TSGA13: variants seen among roughly 807,000 people sequenced by gnomAD.
TSGA13 encodes the protein testis-specific gene 13 protein.
A neutral mutation model predicts 35.1 loss-of-function variants in TSGA13; 37 were observed. The ratio of observed to expected loss-of-function variants is 1.05; its 90% CI spans 0.81 to 1.39. The LOEUF (loss-of-function observed/expected upper bound fraction) is 1.39, where lower values mean the gene tolerates loss of function less well. Among genes scored for constraint, TSGA13 ranks in the 40% most tolerant of loss-of-function variants. The pLI, the probability that TSGA13 is intolerant of heterozygous loss-of-function variation, is 0.00. For synonymous variants in TSGA13, 124 were observed against 121.2 expected (o/e 1.02, Z -0.15); for missense variants, 338 against 328.5 (o/e 1.03, Z -0.22).
At chr7:130,670,124 T>C (rs1796224239) in intron 7 of TSGA13, among the ~76,000 whole-genome samples, 1 of 152,240 alleles carries the variant, frequency 6.6e-6, no homozygotes, top group African/African-American at 2.4e-5. Flanking sequence ...TCAGCTTTTC[T>C]GTATATCTAT....
chr7:130,672,329 T>C (rs1183320194), intron 6 of TSGA13, among the ~76,000 whole-genome samples: 3 of 152,216 alleles, frequency 2.0e-5, no homozygotes, highest in Non-Finnish European at 4.4e-5. Flanking sequence ...TTGGAGGAAC[T>C]CCAGAATCTC....
At chr7:130,682,317 G>A (rs532625720) in intron 3 of TSGA13, among the ~76,000 whole-genome samples, 12 of 152,072 alleles carry the variant, frequency 7.9e-5, no homozygotes, top group African/African-American at 2.7e-4. Context: ...ATGGGGTTTC[G>A]CCATATTGGC....
At chr7:130,679,580 A>T (rs1245981407) in intron 4 of TSGA13, among the ~76,000 whole-genome samples, 7 of 151,854 alleles carry the variant, frequency 4.6e-5, no homozygotes, top group African/African-American at 1.7e-4. Flanking sequence ...CATGATCATG[A>T]CTCACTGCAA....
chr7:130,671,552 A>T (rs1293204120), intron 7 of TSGA13, 109 bp downstream of exon 7: 1 of 1,265,638 alleles, frequency 7.9e-7, no homozygotes, highest in African/African-American at 1.5e-5. Context: ...AATAGTCTCC[A>T]GGACTACCAC....
intron 1 of TSGA13, 69 bp from the exon 2 acceptor site, chr7:130,685,429 T>G (rs17165066): frequency 0.081 from 104,477 of 1,284,336 alleles, 6,122 homozygotes; most frequent in African/African-American, 0.29. Flanking sequence ...GACATGATGA[T>G]GCTTGCTCTT....
At chr7:130,680,194 T>C (rs915001652) in intron 4 of TSGA13, among the ~76,000 whole-genome samples, 1 of 152,142 alleles carries the variant, frequency 6.6e-6, no homozygotes, top group Non-Finnish European at 1.5e-5. Context: ...TGACATGCAC[T>C]CACAAGCACA....
At chr7:130,671,132 C>T (rs1439445971) in intron 7 of TSGA13, among the ~76,000 whole-genome samples, 4 of 152,106 alleles carry the variant, frequency 2.6e-5, no homozygotes, top group Admixed American at 1.3e-4. Context: ...ACTTTTGTAC[C>T]TCTAAGACAC....
Position 130,669,034 on chromosome 7 carries a change from T to C in TSGA13, c.808A>G (p.Lys270Glu), listed in dbSNP as rs1796179379. 1 of 1,614,044 alleles carries C rather than the reference T, an allele frequency of 6.2e-7. No individual in the cohort carries two copies. Among genetic ancestry groups the C allele is most frequent in the Non-Finnish European group, 8.5e-7 (1 of 1,180,036 alleles). The change falls in exon 8 of 8, where the codon AAG (lysine) becomes GAG (glutamate). Residue 270 changes from lysine (K) to glutamate (E), a missense_variant. Lys to Glu is a moderately conservative substitution (Grantham distance 56). Transcript: ENST00000356588. The part of the protein sequence containing the change: ...NGRAPQWIIK[K>E]ATVIG ...TGTGTTCACCCGATGACCGTGGCCT[T>C]TTTGATAATCCACTGCGGGGCCCTC...
In TSGA13 at chr7:130,672,883, G is replaced by A; in HGVS notation, c.388-7C>T. The A allele has an allele frequency of 6.2e-7, 1 of 1,611,766 alleles. No individual in the cohort carries two copies. Among genetic ancestry groups the A allele is most frequent in the Non-Finnish European group, 8.5e-7 (1 of 1,178,788 alleles). ...TGTGCTGATGATGACTTTCCTGTAG[G>A]GAAACGAGGGAAGAAGAGTGAGGGA... On this transcript the variant is annotated splice_region_variant and splice_polypyrimidine_tract_variant and intron_variant, in intron 5 of 7. Transcript: ENST00000356588.
Position 130,669,233 on chromosome 7 carries a change from CGAAGGATACTTAATGTGA to C in TSGA13, c.659-68_659-51del, listed in dbSNP as rs1299285621. ...GTGAATGTGGCTTTTCAGAAGTACT[CGAAGGATACTTAATGTGA>C]GATGTAAAGGAGACGCACTTGGAGG... On this transcript the variant is annotated intron_variant, in intron 7 of 7. Coordinates refer to ENST00000356588, the MANE Select transcript of TSGA13 (RefSeq NM_052933.4). 4.3e-6 allele frequency: 7 copies of C among 1,609,960 alleles called. No individual in the cohort carries two copies. In the African/African-American group the frequency reaches 9.4e-5, roughly 22 times the overall value.
intron 2 of TSGA13, among the ~76,000 whole-genome samples, chr7:130,684,659 T>C (rs1796620467): frequency 6.6e-6 from 1 of 152,182 alleles, no homozygotes; most frequent in Non-Finnish European, 1.5e-5. Flanking sequence ...TTCTATCCCA[T>C]TCAAGCATAG....
chr7:130,677,705 G>A (rs1204134626), intron 5 of TSGA13, among the ~76,000 whole-genome samples: 2 of 152,048 alleles, frequency 1.3e-5, no homozygotes, highest in Admixed American at 6.5e-5. Flanking sequence ...GATTACAGGC[G>A]TGAGCCACTG....
Position 130,672,723 on chromosome 7 carries a change from C to T in TSGA13, c.530+11G>A. Reference sequence around the variant, plus strand: ...GAAAGAAAGCAAGTACAAGAAGAAGCAAGATTTCACCTAAACCATTGTTCT... The same window carrying T: ...GAAAGAAAGCAAGTACAAGAAGAAGTAAGATTTCACCTAAACCATTGTTCT... On this transcript the variant is annotated intron_variant, in intron 6 of 7. Transcript: ENST00000356588. The T allele has an allele frequency of 6.2e-7, 1 of 1,609,012 alleles. No homozygotes were observed. Among genetic ancestry groups the T allele is most frequent in the African/African-American group, 1.3e-5 (1 of 74,762 alleles).
rs1796484133 is a variant in TSGA13 at position 130,679,282 on chromosome 7, A to G, written c.260T>C (p.Val87Ala). The G allele has an allele frequency of 1.9e-6, 3 of 1,614,168 alleles. No individual in the cohort carries two copies. Among genetic ancestry groups the G allele is most frequent in the Non-Finnish European group, 2.5e-6 (3 of 1,180,016 alleles). ...CGTCTTATCCTGGTCATACTGTGTT[A>G]CTTTTAACATGAAGCTGGTGTTTTT... ...NRKNTSFMLK[V>A]TQYDQDKTLL... The change falls in exon 5 of 8, where the codon GTA becomes GCA. Residue 87 changes from valine to alanine, a missense_variant. Val to Ala is a moderately conservative substitution (Grantham distance 64). Transcript: ENST00000356588.
At chr7:130,670,993 A>C (rs570909242) in intron 7 of TSGA13, among the ~76,000 whole-genome samples, 1 of 152,142 alleles carries the variant, frequency 6.6e-6, no homozygotes, top group South Asian at 2.1e-4. Context: ...TAAGTGTCAG[A>C]CACTTAGTAG....
chr7:130,685,199 CT>C lies in TSGA13; in HGVS notation c.11del (p.Lys4ArgfsTer43). MSQ[K>X]RQTKFQNGKS... Reference sequence around the variant, plus strand: ...ACAAGACTACATACTTGGTTTGTCTCTTTTGGCTCATTGCTGTTGACTGCTA... The same window carrying C: ...ACAAGACTACATACTTGGTTTGTCTCTTTGGCTCATTGCTGTTGACTGCTA... On this transcript the variant is annotated frameshift_variant, in exon 2 of 8. Coordinates refer to ENST00000356588, the MANE Select transcript of TSGA13 (RefSeq NM_052933.4). LOFTEE classifies it high-confidence loss of function. 3 of 1,613,494 alleles carry C rather than the reference CT, an allele frequency of 1.9e-6. No homozygotes were observed. The highest frequency in any genetic ancestry group is 1.7e-6 in the Non-Finnish European group (2 of 1,179,426).
intron 5 of TSGA13, among the ~76,000 whole-genome samples, chr7:130,676,219 A>G (rs1298274014): frequency 2.6e-5 from 4 of 152,256 alleles, no homozygotes; most frequent in Non-Finnish European, 4.4e-5. Context: ...AGGATGCTGC[A>G]TGAATATTAA....
chr7:130,684,991 T>C (rs971827805), intron 2 of TSGA13, among the ~76,000 whole-genome samples, 197 bp downstream of exon 2: 3 of 152,210 alleles, frequency 2.0e-5, no homozygotes, highest in Non-Finnish European at 4.4e-5. Flanking sequence ...TGGAACAAGC[T>C]GGTGCTTTCT....
intron 4 of TSGA13, among the ~76,000 whole-genome samples, chr7:130,680,721 G>A (rs1018578572): frequency 5.3e-5 from 8 of 151,936 alleles, no homozygotes; most frequent in Non-Finnish European, 1.0e-4. Context: ...ATCAGCTGTG[G>A]GGACCCACTT....
Sources: gnomAD v4.1 joint callset for allele counts (sites outside exome capture counted in the v4.1 genomes callset) on GRCh38, gnomAD v4.1.1 for gene constraint, MANE v1.5 for transcripts, NCBI Gene and HGNC (gene_info 2026-07-23, HGNC 2026-07-21) for gene names.